NOTCH2: variants seen among roughly 807,000 people sequenced by gnomAD.
NOTCH2 encodes neurogenic locus notch homolog protein 2.
NOTCH2 carries 29 observed loss-of-function variants against 235.8 expected under a neutral mutation model. The ratio of observed to expected loss-of-function variants is 0.12; its 90% confidence interval spans 0.09 to 0.17. The LOEUF is 0.17. NOTCH2 is among the 10% of genes least tolerant of loss of function. The pLI is 1.00. For synonymous variants in NOTCH2, 1,086 were observed against 1,141.5 expected (o/e 0.95, Z 0.98); for missense variants, 2,285 against 3,150.2 (o/e 0.73, Z 6.57).
chr1:119,983,663 A>C (rs1553201918), intron 5 of NOTCH2, among the ~76,000 whole-genome samples: 4 of 152,194 alleles, frequency 2.6e-5, no homozygotes, highest in African/African-American at 9.7e-5. Flanking sequence ...CCCAAGAAAG[A>C]GATAATAGCA....
At chr1:119,916,944 C>T (rs1649102160) in intron 33 of NOTCH2, among the ~76,000 whole-genome samples, 1 of 152,202 alleles carries the variant, frequency 6.6e-6, no homozygotes, top group Admixed American at 6.5e-5. Context: ...GGGGGAACAT[C>T]TCTTTAGTTG....
In NOTCH2 at chr1:120,005,497, C is replaced by T; in HGVS notation, c.247G>A (p.Ala83Thr). ...CQNGGTCVAQAMLGKATCRCA... is the reference protein window; with the variant it reads ...CQNGGTCVAQTMLGKATCRCA... ...CGGCACGTGGCTTTCCCCAGCATGG[C>T]CTGGGCCACACAAGTCCCACCATTC... Residue 83 changes from alanine to threonine, a missense_variant, in exon 3 of 34, where the codon GCC (alanine) becomes ACC (threonine). Ala to Thr is a moderately conservative substitution (Grantham distance 58, BLOSUM62 0). Transcript: ENST00000256646. 3.1e-6 allele frequency: 5 copies of T among 1,613,284 alleles called. No homozygotes were observed. In the Admixed American group the frequency reaches 6.7e-5, roughly 22 times the overall value.
chr1:120,007,375 A>T (rs1653019703), intron 2 of NOTCH2, among the ~76,000 whole-genome samples: 1 of 141,316 alleles, frequency 7.1e-6, no homozygotes, highest in South Asian at 2.3e-4. Context: ...AAGTATGTAA[A>T]AAACCTTATA....
intron 17 of NOTCH2, among the ~76,000 whole-genome samples, chr1:119,945,280 T>G (rs890076432): frequency 3.9e-5 from 6 of 152,156 alleles, no homozygotes; most frequent in African/African-American, 1.4e-4. Context: ...ATAAAAATAC[T>G]CAATTATTTC....
At chr1:119,923,214 AGTTT>A (rs2101157786) in intron 26 of NOTCH2, among the ~76,000 whole-genome samples, 1 of 152,352 alleles carries the variant, frequency 6.6e-6, no homozygotes, top group Admixed American at 6.5e-5. Flanking sequence ...GAGGGTTGAA[AGTTT>A]GACAATATAC....
At chr1:119,938,139 T>G (rs981263630) in intron 19 of NOTCH2, 129 bp from the exon 20 acceptor site, 4 of 997,106 alleles carry the variant, frequency 4.0e-6, no homozygotes, top group African/African-American at 1.6e-5. Flanking sequence ...CTTCATCTAG[T>G]AAAAGAGCCC....
intron 1 of NOTCH2, among the ~76,000 whole-genome samples, chr1:120,046,202 ATATCTTCCTGGCATCTCTATT>A (rs1225417160): frequency 8.3e-6 from 1 of 120,586 alleles, no homozygotes; most frequent in Non-Finnish European, 1.7e-5. Context: ...TAAACCTGGT[ATATCTTCCTGGCATCTCTATT>A]TCACTCACTC....
chr1:119,934,667 A>G (rs1386339013), intron 22 of NOTCH2, among the ~76,000 whole-genome samples: 1 of 152,180 alleles, frequency 6.6e-6, no homozygotes, highest in African/African-American at 2.4e-5. Context: ...TACTGACACA[A>G]AGCTCTAAGG....
intron 1 of NOTCH2, among the ~76,000 whole-genome samples, chr1:120,055,674 C>T (rs1321406801): frequency 2.7e-5 from 4 of 148,666 alleles, no homozygotes; most frequent in Non-Finnish European, 4.5e-5. Flanking sequence ...CTTACTAAAT[C>T]GGCAAAATAA....
chr1:119,915,838 G>C lies in NOTCH2; in HGVS notation c.6884C>G (p.Thr2295Ser). 1 of 1,614,168 alleles carries C rather than the reference G, an allele frequency of 6.2e-7. No individual in the cohort carries two copies. Among genetic ancestry groups the C allele is most frequent in the South Asian group, 1.1e-5 (1 of 91,084 alleles). ...QSRPPEGKHI[T>S]TPREPLPPIV... Reference sequence around the variant, plus strand: ...GGGGGGCAAGGGCTCCCGAGGGGTGGTTATGTGCTTCCCTTCAGGTGGCCT... The same window carrying C: ...GGGGGGCAAGGGCTCCCGAGGGGTGCTTATGTGCTTCCCTTCAGGTGGCCT... The change falls in exon 34 of 34, where the codon ACC (threonine) becomes AGC (serine). Residue 2295 changes from threonine to serine, a missense_variant. Thr to Ser is a moderately conservative substitution (Grantham distance 58). Around this residue, in one of 6 missense-constraint regions of NOTCH2, gnomAD observed 504 missense variants for 538.0 expected, o/e 0.94. Coordinates refer to ENST00000256646, the MANE Select transcript of NOTCH2 (RefSeq NM_024408.4).
chr1:119,915,274 C>G lies in NOTCH2; in HGVS notation c.*32G>C. ...GTTCCTCAGCAGCATTTACAAAAGTCAGTTATGTCTCTACACTGGAGGTGG... is the reference window on the plus strand; with the variant it reads ...GTTCCTCAGCAGCATTTACAAAAGTGAGTTATGTCTCTACACTGGAGGTGG... On this transcript the variant is annotated 3_prime_UTR_variant, in exon 34 of 34. Coordinates refer to ENST00000256646, the MANE Select transcript of NOTCH2 (RefSeq NM_024408.4). 1.2e-6 allele frequency: 2 copies of G among 1,608,202 alleles called. No homozygotes were observed. Among genetic ancestry groups the G allele is most frequent in the Middle Eastern group, 2.2e-4 (1 of 4,532 alleles).
At chr1:119,936,854 C>A (rs1649868559) in intron 21 of NOTCH2, among the ~76,000 whole-genome samples, 1 of 150,058 alleles carries the variant, frequency 6.7e-6, no homozygotes, top group South Asian at 2.1e-4. Flanking sequence ...GGATGAGCAA[C>A]ATTTTTTTTT....
chr1:119,940,521 G>C, intron 19 of NOTCH2, 34 bp downstream of exon 19: 2 of 1,587,082 alleles, frequency 1.3e-6, no homozygotes, highest in African/African-American at 1.3e-5. Flanking sequence ...AGCTGCTCTA[G>C]GGGAGCTGAG....
intron 3 of NOTCH2, among the ~76,000 whole-genome samples, chr1:119,998,560 A>G (rs781803871): frequency 0.016 from 2,321 of 147,430 alleles, no homozygotes; most frequent in East Asian, 0.037. Context: ...TTTGAGGCAG[A>G]AAGAGAAAGA....
At chr1:119,927,475 T>G (rs1649513461) in intron 23 of NOTCH2, among the ~76,000 whole-genome samples, 1 of 152,180 alleles carries the variant, frequency 6.6e-6, no homozygotes. Flanking sequence ...CCCTTGCTGT[T>G]TATCTCTGCA....
At chr1:119,932,210 A>C (rs1553195229) in intron 22 of NOTCH2, among the ~76,000 whole-genome samples, 2 of 152,166 alleles carry the variant, frequency 1.3e-5, no homozygotes, top group African/African-American at 4.8e-5. Flanking sequence ...ATATGCCTGC[A>C]AGATAACTGA....
chr1:120,069,165 G>T (rs1306322529), intron 1 of NOTCH2, 169 bp downstream of exon 1: 1 of 1,527,618 alleles, frequency 6.5e-7, no homozygotes, highest in African/African-American at 1.4e-5. Flanking sequence ...GGGCACCACG[G>T]GAGGGGCCCC....
intron 12 of NOTCH2, among the ~76,000 whole-genome samples, chr1:119,956,867 T>C (rs1650722293): frequency 6.6e-6 from 1 of 152,132 alleles, no homozygotes; most frequent in Non-Finnish European, 1.5e-5. Flanking sequence ...TTGACAGCTG[T>C]TCCATCAGGA....
At chr1:119,979,023 C>T (rs1651707808) in intron 5 of NOTCH2, among the ~76,000 whole-genome samples, 1 of 152,170 alleles carries the variant, frequency 6.6e-6, no homozygotes, top group Non-Finnish European at 1.5e-5. Context: ...TTAGAAAGAA[C>T]TGCTCCTGTA....
Sources: gnomAD v4.1 joint callset for allele counts (sites outside exome capture counted in the v4.1 genomes callset) on GRCh38, gnomAD v4.1.1 for gene constraint, gnomAD v4.1.1 regional missense constraint, MANE v1.5 for transcripts, NCBI Gene and HGNC (gene_info 2026-07-23, HGNC 2026-07-21) for gene names.